The following ZNF146 variants were observed in gnomAD, a reference collection of about 807,000 sequenced individuals.
ZNF146 encodes the protein zinc finger protein 146.
Under a neutral mutation model 22.2 loss-of-function variants are expected in ZNF146, and 9 were observed. The observed-to-expected ratio is 0.41, with a 90% confidence interval of 0.24 to 0.71. The LOEUF (loss-of-function observed/expected upper bound fraction) is 0.71. Ranked by LOEUF, ZNF146 falls within the 30% of genes least tolerant of loss-of-function variation. The pLI is 0.34. For synonymous variants in ZNF146, 108 were observed against 119.2 expected (o/e 0.91, Z 0.61); for missense variants, 194 against 344.8 (o/e 0.56, Z 3.46).
intron 3 of ZNF146, among the ~76,000 whole-genome samples, chr19:36,232,689 A>G (rs1445572835): frequency 2.0e-5 from 3 of 149,390 alleles, no homozygotes; most frequent in Non-Finnish European, 4.4e-5. Context: ...GCTCACTACA[A>G]CCTCCACCTC....
chr19:36,220,552 G>A (rs1369282260), intron 2 of ZNF146, among the ~76,000 whole-genome samples: 5 of 152,040 alleles, frequency 3.3e-5, no homozygotes, highest in Admixed American at 6.6e-5. Context: ...TTTTAGTAGA[G>A]ATGGGGTTTC....
intron 2 of ZNF146, among the ~76,000 whole-genome samples, chr19:36,218,614 A>G (rs1976711249): frequency 6.8e-6 from 1 of 147,822 alleles, no homozygotes; most frequent in African/African-American, 2.5e-5. Context: ...TACAGGTGCC[A>G]GCCACCACGC....
intron 3 of ZNF146, among the ~76,000 whole-genome samples, chr19:36,229,988 G>A (rs1386167989): frequency 1.3e-5 from 2 of 152,156 alleles, no homozygotes; most frequent in African/African-American, 2.4e-5. Flanking sequence ...TCAAAGTGCT[G>A]GGATTACAGG....
intron 2 of ZNF146, among the ~76,000 whole-genome samples, chr19:36,219,976 A>G (rs1474014488): frequency 6.6e-6 from 1 of 152,126 alleles, no homozygotes; most frequent in South Asian, 2.1e-4. Flanking sequence ...AAAGTTGTGT[A>G]TATTTAGCGT....
At chr19:36,220,054 G>A (rs1315490042) in intron 2 of ZNF146, among the ~76,000 whole-genome samples, 6 of 152,032 alleles carry the variant, frequency 3.9e-5, no homozygotes, top group Non-Finnish European at 7.4e-5. Context: ...TCTCATTTTG[G>A]CTGACATCAT....
At chr19:36,219,036 C>T (rs1976731151) in intron 2 of ZNF146, among the ~76,000 whole-genome samples, 1 of 151,896 alleles carries the variant, frequency 6.6e-6, no homozygotes, top group South Asian at 2.1e-4. Context: ...TCTCCATCTC[C>T]TGACCTCGTG....
chr19:36,222,478 A>G (rs73612191), intron 2 of ZNF146, among the ~76,000 whole-genome samples: 1,720 of 152,316 alleles, frequency 0.011, 33 homozygotes, highest in African/African-American at 0.039. Flanking sequence ...CCAGTGGGTA[A>G]GTACTTACAC....
At chr19:36,225,961 G>T (rs1412658994) in intron 2 of ZNF146, among the ~76,000 whole-genome samples, 1 of 151,572 alleles carries the variant, frequency 6.6e-6, no homozygotes, top group Non-Finnish European at 1.5e-5. Context: ...CAGAGATGGG[G>T]TCTTGCCATG....
At chr19:36,224,350 G>C (rs11882933) in intron 2 of ZNF146, among the ~76,000 whole-genome samples, 39,622 of 152,054 alleles carry the variant, frequency 0.26, 5,587 homozygotes, top group African/African-American at 0.38. Context: ...CCACTGCACT[G>C]CAGCCTGGGC....
intron 2 of ZNF146, among the ~76,000 whole-genome samples, chr19:36,222,112 G>T (rs1306707266): frequency 6.6e-6 from 1 of 151,934 alleles, no homozygotes; most frequent in Non-Finnish European, 1.5e-5. Flanking sequence ...TTTTTGTAGA[G>T]ATGAGGTCTC....
At chr19:36,233,570 GA>G in intron 3 of ZNF146, among the ~76,000 whole-genome samples, 1 of 152,300 alleles carries the variant, frequency 6.6e-6, no homozygotes, top group South Asian at 2.1e-4. Flanking sequence ...GTTTCTCGGA[GA>G]GGGGGATGTG....
In ZNF146 at chr19:36,237,099, CCTT is replaced by C. The variant is rs1379656485; in HGVS notation, c.662_664del (p.Phe221del). ...TACGAATGCAATGTTTGTGGAAAAGCCTTCTCTCAGAGCTCATCTCTCACTGTG... is the reference window on the plus strand; with the variant it reads ...TACGAATGCAATGTTTGTGGAAAAGCCTCTCAGAGCTCATCTCTCACTGTG... On this transcript the variant is annotated inframe_deletion, in exon 4 of 4. Transcript: ENST00000443387. The C allele has an allele frequency of 6.2e-7, 1 of 1,614,166 alleles. No homozygotes were observed. Among genetic ancestry groups the C allele is most frequent in the Non-Finnish European group, 8.5e-7 (1 of 1,180,022 alleles).
intron 2 of ZNF146, among the ~76,000 whole-genome samples, chr19:36,219,799 G>A (rs1282274680): frequency 6.6e-6 from 1 of 152,110 alleles, no homozygotes; most frequent in Non-Finnish European, 1.5e-5. Context: ...GTGTAAAAAT[G>A]TAGTAGTCTA....
Position 36,236,394 on chromosome 19 carries a change from T to C in ZNF146, c.-47T>C, listed in dbSNP as rs1206914676. 1 of 1,542,252 alleles carries C rather than the reference T, an allele frequency of 6.5e-7. No individual in the cohort carries two copies. Among genetic ancestry groups the C allele is most frequent in the African/African-American group, 1.4e-5 (1 of 71,986 alleles). ...AAGTAAATCCTCACTCATCAAGAAATTTTTACTGGAGAGAAACCTTGTGAA... is the reference window on the plus strand; with the variant it reads ...AAGTAAATCCTCACTCATCAAGAAACTTTTACTGGAGAGAAACCTTGTGAA... On this transcript the variant is annotated 5_prime_UTR_variant, in exon 4 of 4. Coordinates refer to ENST00000443387, the MANE Select transcript of ZNF146 (RefSeq NM_007145.3).
upstream of ZNF146, chr19:36,214,860 A>C (rs1976527227): frequency 6.6e-6 from 1 of 152,610 alleles, no homozygotes; most frequent in Non-Finnish European, 1.5e-5. Flanking sequence ...GCAAGCTTGA[A>C]GTCATCTGAC....
intron 2 of ZNF146, among the ~76,000 whole-genome samples, chr19:36,225,752 CTTTTTTTTTTTTTT>C (rs67760026): frequency 3.0e-5 from 2 of 66,726 alleles, no homozygotes; most frequent in Admixed American, 1.9e-4. Flanking sequence ...CTTTGTGATT[CTTTTTTTTTTTTTT>C]TTTTTTTTTT....
intron 3 of ZNF146, among the ~76,000 whole-genome samples, chr19:36,232,603 TTTTTTC>T (rs1190547835): frequency 3.0e-5 from 4 of 133,172 alleles, no homozygotes; most frequent in Admixed American, 7.5e-5. Flanking sequence ...TTCTTTTTTC[TTTTTTC>T]TTTTTTTTTT....
At chr19:36,231,115 G>C (rs1461158863) in intron 3 of ZNF146, among the ~76,000 whole-genome samples, 1 of 152,132 alleles carries the variant, frequency 6.6e-6, no homozygotes, top group East Asian at 1.9e-4. Flanking sequence ...GACCACAACT[G>C]ACTTTGGGAG....
chr19:36,226,751 A>T (rs950969968), intron 2 of ZNF146, among the ~76,000 whole-genome samples: 1 of 152,192 alleles, frequency 6.6e-6, no homozygotes, highest in Non-Finnish European at 1.5e-5. Flanking sequence ...TCCATATTCA[A>T]ATTTGGTCAG....
Sources: allele counts gnomAD v4.1 joint callset (sites outside exome capture counted in the v4.1 genomes callset), GRCh38; gene constraint gnomAD v4.1.1; transcripts MANE v1.5; gene names NCBI Gene and HGNC (gene_info 2026-07-23, HGNC 2026-07-21).